MIGA1: variants seen among roughly 807,000 people sequenced by gnomAD.
MIGA1 encodes the protein family with sequence similarity 73, member A.
A neutral mutation model predicts 82.0 loss-of-function variants in MIGA1; 58 were observed. That is an observed-to-expected ratio of 0.71 (90% CI 0.57 to 0.88). The LOEUF is 0.88. Among genes scored for constraint, MIGA1 ranks in the 40% least tolerant of loss-of-function variants. The pLI is 0.00. For synonymous variants in MIGA1, 249 were observed against 253.6 expected, an observed-to-expected ratio of 0.98 and a Z score of 0.17; for missense variants, 751 against 749.1, an observed-to-expected ratio of 1.00 and a Z score of -0.03.
chr1:77,784,223 TTATG>T (rs1388678737), intron 2 of MIGA1, among the ~76,000 whole-genome samples: 1 of 151,990 alleles, frequency 6.6e-6, no homozygotes, highest in Non-Finnish European at 1.5e-5. Flanking sequence ...ATTTATTTAT[TTATG>T]TATTTATTTA....
rs1646888038 is a variant in MIGA1, at chr1:77,875,622, A to G, written c.*558A>G. The G allele has an allele frequency of 6.5e-6, 1 of 152,890 alleles. No homozygotes were observed. The highest frequency in any genetic ancestry group is 1.5e-5 in the Non-Finnish European group (1 of 68,608). The allele number at this position is 152,890 out of a possible 1,614,324, so 9.5% of individuals were successfully genotyped here. Reference sequence around the variant, plus strand: ...TTGCTTATGTATTTGAATCAAAGAAATTGTAATCACTGAATATTGTTATAG... The same window carrying G: ...TTGCTTATGTATTTGAATCAAAGAAGTTGTAATCACTGAATATTGTTATAG... On this transcript the variant is annotated 3_prime_UTR_variant, in exon 16 of 16. Coordinates refer to ENST00000370791, the MANE Select transcript of MIGA1 (RefSeq NM_198549.4).
At chr1:77,810,715 A>G in intron 5 of MIGA1, 1 of 976,814 alleles carries the variant, frequency 1.0e-6, no homozygotes, top group African/African-American at 1.6e-5. Flanking sequence ...ATTCTGTGGT[A>G]CAGCTTTGCA....
chr1:77,790,343 T>C (rs1682360916), intron 2 of MIGA1, among the ~76,000 whole-genome samples: 1 of 152,206 alleles, frequency 6.6e-6, no homozygotes, highest in African/African-American at 2.4e-5. Context: ...CTCAGCTCAC[T>C]GCAAGCTCCG....
intron 8 of MIGA1, among the ~76,000 whole-genome samples, chr1:77,855,759 GC>G (rs1203689709): frequency 6.6e-6 from 1 of 151,768 alleles, no homozygotes; most frequent in African/African-American, 2.4e-5. Flanking sequence ...TCTGGAAACT[GC>G]TGATTCTTTT....
chr1:77,807,176 GAGAC>G (rs1292681995), intron 5 of MIGA1, 75 bp downstream of exon 5: 10 of 1,209,056 alleles, frequency 8.3e-6, no homozygotes, highest in South Asian at 6.0e-5. Flanking sequence ...TTTATTTATT[GAGAC>G]AGACAGGGTC....
intron 7 of MIGA1, among the ~76,000 whole-genome samples, chr1:77,820,212 A>C (rs2101821355): frequency 1.3e-5 from 2 of 151,260 alleles, no homozygotes; most frequent in South Asian, 4.2e-4. Flanking sequence ...CAGATTTCAC[A>C]CATTTTGTAG....
rs189182062 is a variant in MIGA1, at chr1:77,802,880, G to A, written c.374-390G>A. Among the ~76,000 whole-genome samples the A allele has an allele frequency of 4.6e-5, 7 of 152,210 alleles. No homozygotes were observed. The East Asian group carries it at 1.4e-3, about 29-fold the overall frequency. On this transcript the variant is annotated intron_variant, in intron 3 of 15. Transcript: ENST00000370791. ...AGTATAACTAATTTCAATGCAATGAGATTTGGGTAAGGTTTAGATGTAATT... is the reference window on the plus strand; with the variant it reads ...AGTATAACTAATTTCAATGCAATGAAATTTGGGTAAGGTTTAGATGTAATT...
At chr1:77,796,991 C>T (rs1682684309) in intron 2 of MIGA1, among the ~76,000 whole-genome samples, 1 of 152,194 alleles carries the variant, frequency 6.6e-6, no homozygotes, top group Admixed American at 6.5e-5. Flanking sequence ...TTGATGTTTT[C>T]TGTCCCTGTA....
chr1:77,844,113 A>AAAT lies in MIGA1; in HGVS notation c.996+707_996+708insATA, dbSNP rs1296124524. Among the ~76,000 whole-genome samples the AAAT allele has an allele frequency of 3.9e-3, 350 of 89,934 alleles. 2 individuals are homozygous for AAAT. The highest frequency in any genetic ancestry group is 0.012 in the African/African-American group (255 of 21,776). 59.0% of individuals were successfully genotyped at this position (89,934 alleles called of 152,430 possible). ...AAGACCCTGTCTTAAAAAAAAAAAA[A>AAAT]ATATATATATATATATATATATATA... On this transcript the variant is annotated intron_variant, in intron 8 of 15. Coordinates refer to ENST00000370791, the MANE Select transcript of MIGA1 (RefSeq NM_198549.4).
At chr1:77,848,087 TCAG>T in intron 8 of MIGA1, 1 of 1,302,628 alleles carries the variant, frequency 7.7e-7, no homozygotes. Context: ...AAAGGGAAGA[TCAG>T]CACCAACAGA....
At position 77,803,365 on chromosome 1, in the gene MIGA1, C is replaced by G; in HGVS notation, c.469C>G (p.Leu157Val). Residue 157 changes from leucine to valine, a missense_variant, in exon 4 of 16, where the codon CTT (leucine) becomes GTT (valine). Leu to Val is a conservative substitution (Grantham distance 32). Transcript: ENST00000370791. ...AGTTTGTAACTATGCTAATGGAGGA[C>G]TTTTCAGTAAATATTCAGGTTCTGC... 6.4e-7 allele frequency: 1 copy of G among 1,564,382 alleles called. No homozygotes were observed. Among genetic ancestry groups the G allele is most frequent in the South Asian group, 1.2e-5 (1 of 82,090 alleles).
intron 7 of MIGA1, among the ~76,000 whole-genome samples, chr1:77,836,843 G>T (rs1684442492): frequency 6.6e-6 from 1 of 152,100 alleles, no homozygotes; most frequent in African/African-American, 2.4e-5. Context: ...ACATTGGATA[G>T]GTAGGATAAT....
At chr1:77,797,215 C>T (rs1049996628) in intron 2 of MIGA1, among the ~76,000 whole-genome samples, 1 of 152,136 alleles carries the variant, frequency 6.6e-6, no homozygotes, top group African/African-American at 2.4e-5. Context: ...CAGGTTGTTT[C>T]TGATTTTAGG....
At chr1:77,837,685 A>G (rs1053424384) in intron 7 of MIGA1, among the ~76,000 whole-genome samples, 28 of 152,212 alleles carry the variant, frequency 1.8e-4, no homozygotes, top group African/African-American at 6.8e-4. Context: ...GACATTCCTT[A>G]GTTTCCATGT....
At chr1:77,823,300 A>G (rs1683900827) in intron 7 of MIGA1, among the ~76,000 whole-genome samples, 1 of 152,154 alleles carries the variant, frequency 6.6e-6, no homozygotes, top group Non-Finnish European at 1.5e-5. Context: ...GATGAAGTTA[A>G]TAACATAGAT....
Position 77,874,214 on chromosome 1 carries a change from T to C in MIGA1, c.1681-632T>C, listed in dbSNP as rs150077549. Among the ~76,000 whole-genome samples the C allele has an allele frequency of 4.9e-4, 75 of 152,308 alleles. No individual in the cohort carries two copies. The East Asian group carries it at 0.014, about 28-fold the overall frequency. On this transcript the variant is annotated intron_variant, in intron 15 of 15. Coordinates refer to ENST00000370791, the MANE Select transcript of MIGA1 (RefSeq NM_198549.4). ...CATAATAGCTGAGACTTAATACTTA[T>C]TCGTATACAGTTTGCTTACAGTGAG...
intron 14 of MIGA1, among the ~76,000 whole-genome samples, 199 bp from the exon 15 acceptor site, chr1:77,872,805 G>C (rs1200702872): frequency 6.6e-6 from 1 of 152,190 alleles, no homozygotes; most frequent in African/African-American, 2.4e-5. Context: ...CCTGCCTGTA[G>C]TCCCCACTGC....
Position 77,874,960 on chromosome 1 carries a change from T to G in MIGA1, c.1795T>G (p.Leu599Val), listed in dbSNP as rs774965376. Residue 599 changes from leucine (L) to valine (V), a missense_variant, in exon 16 of 16, where the codon TTA becomes GTA. By Grantham distance (32) the Leu-to-Val change is conservative. Transcript: ENST00000370791. Reference sequence around the variant, plus strand: ...GTTACTCATTCGCCGCACTGAGCTTTTAATGGCCTATCTTGAAGCAGATGC... The same window carrying G: ...GTTACTCATTCGCCGCACTGAGCTTGTAATGGCCTATCTTGAAGCAGATGC... 1 of 1,614,158 alleles carries G rather than the reference T, an allele frequency of 6.2e-7. No individual in the cohort carries two copies. Among genetic ancestry groups the G allele is most frequent in the South Asian group, 1.1e-5 (1 of 91,080 alleles).
intron 2 of MIGA1, among the ~76,000 whole-genome samples, 183 bp from the exon 3 acceptor site, chr1:77,801,148 A>G (rs1682863992): frequency 6.6e-6 from 1 of 152,232 alleles, no homozygotes; most frequent in Non-Finnish European, 1.5e-5. Context: ...GTAATAAATT[A>G]CAACATTTAA....
Sources: gnomAD v4.1 joint callset for allele counts (sites outside exome capture counted in the v4.1 genomes callset) on GRCh38, gnomAD v4.1.1 for gene constraint, MANE v1.5 for transcripts, NCBI Gene and HGNC (gene_info 2026-07-23, HGNC 2026-07-21) for gene names.